The following CNTNAP2 variants were observed in gnomAD, a reference collection of about 807,000 sequenced individuals.
The protein encoded by CNTNAP2 is contactin associated protein 2.
A neutral mutation model predicts 155.2 loss-of-function variants in CNTNAP2; 98 were observed. The observed-to-expected ratio is 0.63, with a 90% CI of 0.54 to 0.75. CNTNAP2 has a LOEUF of 0.75. Among genes scored for constraint, CNTNAP2 ranks in the 30% least tolerant of loss-of-function variants. The pLI, the probability that CNTNAP2 is intolerant of heterozygous loss-of-function variation, is 0.00. For missense variants in CNTNAP2, 1,727 were observed against 1,688.1 expected (o/e 1.02, Z -0.40); for synonymous variants, 651 against 631.2 (o/e 1.03, Z -0.47).
intron 1 of CNTNAP2, among the ~76,000 whole-genome samples, chr7:146,574,508 C>T (rs1798492485): frequency 1.3e-5 from 2 of 152,130 alleles, no homozygotes; most frequent in South Asian, 4.1e-4. Flanking sequence ...CAAGACCATT[C>T]TGGCCAACAT....
rs1046331923 is a variant in CNTNAP2, at chr7:146,451,279, G to T, written c.98-322992G>T. 2.0e-5 allele frequency among the ~76,000 whole-genome samples: 3 copies of T among 151,826 alleles called. No individual in the cohort carries two copies. The East Asian group carries it at 5.8e-4, about 29-fold the overall frequency. On this transcript the variant is annotated intron_variant, in intron 1 of 23. Coordinates refer to ENST00000361727, the MANE Select transcript of CNTNAP2 (RefSeq NM_014141.6). ...GTTTATTTCTAAATAATTGTAATTG[G>T]TCAGTGCAGTTGAGCCTTTATAATG...
chr7:146,289,529 G>A (rs1238155429), intron 1 of CNTNAP2, among the ~76,000 whole-genome samples: 1 of 152,146 alleles, frequency 6.6e-6, no homozygotes, highest in African/African-American at 2.4e-5. Context: ...CTATAGATAA[G>A]TGTGTTTTTA....
At chr7:147,904,596 C>G (rs983362133) in intron 14 of CNTNAP2, among the ~76,000 whole-genome samples, 1 of 152,118 alleles carries the variant, frequency 6.6e-6, no homozygotes, top group African/African-American at 2.4e-5. Context: ...TTCAGTTCAC[C>G]TATGTAGTAT....
At chr7:147,628,642 G>A (rs1460283536) in intron 12 of CNTNAP2, among the ~76,000 whole-genome samples, 1 of 152,038 alleles carries the variant, frequency 6.6e-6, no homozygotes, top group Non-Finnish European at 1.5e-5. Flanking sequence ...AATGTTGAAC[G>A]TAAATGGCCT....
chr7:148,171,217 A>G (rs1343284879), intron 17 of CNTNAP2, among the ~76,000 whole-genome samples: 1 of 152,214 alleles, frequency 6.6e-6, no homozygotes, highest in Non-Finnish European at 1.5e-5. Flanking sequence ...GGTACTGTAT[A>G]TAGAGTGCCT....
intron 18 of CNTNAP2, among the ~76,000 whole-genome samples, chr7:148,200,158 A>G (rs752848439): frequency 6.6e-6 from 1 of 152,224 alleles, no homozygotes; most frequent in Non-Finnish European, 1.5e-5. Context: ...CACACTCAGA[A>G]ATCATGTTTT....
At chr7:146,423,279 C>T (rs926298096) in intron 1 of CNTNAP2, among the ~76,000 whole-genome samples, 11 of 151,916 alleles carry the variant, frequency 7.2e-5, no homozygotes, top group African/African-American at 2.2e-4. Flanking sequence ...ATTACAGTAG[C>T]GATCAATTCT....
intron 19 of CNTNAP2, among the ~76,000 whole-genome samples, chr7:148,222,990 A>G (rs1795780280): frequency 6.6e-6 from 1 of 152,216 alleles, no homozygotes; most frequent in African/African-American, 2.4e-5. Context: ...CTCAAATGAC[A>G]ATATGCATGT....
At chr7:146,770,883 A>G (rs907360438) in intron 1 of CNTNAP2, among the ~76,000 whole-genome samples, 1 of 152,148 alleles carries the variant, frequency 6.6e-6, no homozygotes, top group Non-Finnish European at 1.5e-5. Context: ...AACCATATCT[A>G]TCCATTGGAT....
chr7:147,753,611 A>T (rs1218458299), intron 13 of CNTNAP2, among the ~76,000 whole-genome samples: 1 of 152,238 alleles, frequency 6.6e-6, no homozygotes. Flanking sequence ...AAAAATTTAG[A>T]TTATCTTAAA....
chr7:148,313,744 G>A (rs958341142), intron 21 of CNTNAP2, among the ~76,000 whole-genome samples: 4 of 152,164 alleles, frequency 2.6e-5, no homozygotes, highest in African/African-American at 9.7e-5. Flanking sequence ...TTAATTTTTG[G>A]AGTTTATTTA....
At chr7:146,226,469 G>C (rs2116905627) in intron 1 of CNTNAP2, among the ~76,000 whole-genome samples, 1 of 152,172 alleles carries the variant, frequency 6.6e-6, no homozygotes, top group East Asian at 1.9e-4. Context: ...GACCAGCCTG[G>C]GCTATATAGT....
At chr7:147,376,363 A>T (rs1430679264) in intron 9 of CNTNAP2, among the ~76,000 whole-genome samples, 1 of 151,908 alleles carries the variant, frequency 6.6e-6, no homozygotes, top group Non-Finnish European at 1.5e-5. Context: ...CACTGAGGGG[A>T]GGGACCTAGC....
At chr7:148,314,769 C>T (rs898083093) in intron 21 of CNTNAP2, among the ~76,000 whole-genome samples, 1 of 152,094 alleles carries the variant, frequency 6.6e-6, no homozygotes, top group African/African-American at 2.4e-5. Flanking sequence ...GGTGAAGGAC[C>T]AAGGCAGGCG....
intron 20 of CNTNAP2, among the ~76,000 whole-genome samples, chr7:148,253,335 C>T (rs1019416794): frequency 6.6e-6 from 1 of 152,288 alleles, no homozygotes; most frequent in South Asian, 2.1e-4. Context: ...TCCTTCAAAA[C>T]GCCTCCACTC....
chr7:146,163,770 T>C (rs2116805571), intron 1 of CNTNAP2, among the ~76,000 whole-genome samples: 1 of 151,766 alleles, frequency 6.6e-6, no homozygotes, highest in South Asian at 2.1e-4. Context: ...GTTTTAAGTG[T>C]GTTTGTAAGG....
chr7:148,281,986 G>C (rs1056623992), intron 21 of CNTNAP2, among the ~76,000 whole-genome samples: 1 of 151,576 alleles, frequency 6.6e-6, no homozygotes, highest in African/African-American at 2.4e-5. Context: ...CACCACACCC[G>C]GCTAATTTTT....
At position 147,889,840 on chromosome 7, in the gene CNTNAP2, A is replaced by G. The variant is rs375085996; in HGVS notation, c.2099-13725A>G. Among the ~76,000 whole-genome samples the G allele has an allele frequency of 3.3e-5, 5 of 152,318 alleles. 1 individual carries two copies. The highest frequency in any genetic ancestry group is 1.2e-4 in the African/African-American group (5 of 41,576). On this transcript the variant is annotated intron_variant, in intron 13 of 23. Transcript: ENST00000361727. Reference sequence around the variant, plus strand: ...AACCCAGATAGGATTAAATAGCATAATTAATAACTGTGAGTCAATGCACAC... The same window carrying G: ...AACCCAGATAGGATTAAATAGCATAGTTAATAACTGTGAGTCAATGCACAC...
intron 22 of CNTNAP2, among the ~76,000 whole-genome samples, chr7:148,396,651 G>C (rs916787317): frequency 4.0e-4 from 61 of 152,134 alleles, no homozygotes; most frequent in Non-Finnish European, 1.3e-4. Context: ...GCTTTTCAGA[G>C]AAAAGTCCTT....
Sources: allele counts gnomAD v4.1 joint callset (sites outside exome capture counted in the v4.1 genomes callset), GRCh38; gene constraint gnomAD v4.1.1; transcripts MANE v1.5; gene names NCBI Gene and HGNC (gene_info 2026-07-23, HGNC 2026-07-21).